GRIN2D: variants seen among roughly 807,000 people sequenced by gnomAD.
GRIN2D encodes glutamate receptor ionotropic, NMDA 2D.
Under a neutral mutation model 103.2 loss-of-function variants are expected in GRIN2D, and 37 were observed. The observed-to-expected ratio is 0.36, with a 90% CI of 0.28 to 0.47. The LOEUF is 0.47. GRIN2D is among the 20% of genes least tolerant of loss of function. The pLI is 1.00. For synonymous variants in GRIN2D, 845 were observed against 885.6 expected, an observed-to-expected ratio of 0.95 and a Z score of 0.81; for missense variants, 1,557 against 1,910.6, an observed-to-expected ratio of 0.81 and a Z score of 3.45.
At chr19:48,430,140 C>T (rs1310329379) in intron 11 of GRIN2D, among the ~76,000 whole-genome samples, 11 of 152,180 alleles carry the variant, frequency 7.2e-5, no homozygotes, top group Non-Finnish European at 1.2e-4. Flanking sequence ...TGTAAATGCT[C>T]TCACAGCTGC....
intron 11 of GRIN2D, among the ~76,000 whole-genome samples, chr19:48,435,809 C>T (rs532288255): frequency 9.2e-5 from 14 of 152,196 alleles, no homozygotes; most frequent in Non-Finnish European, 1.8e-4. Flanking sequence ...CCTGTGGATA[C>T]AGTGGTGAAT....
chr19:48,422,830 G>A (rs372030881), intron 11 of GRIN2D, among the ~76,000 whole-genome samples: 2 of 152,204 alleles, frequency 1.3e-5, no homozygotes, highest in East Asian at 3.9e-4. Context: ...AGTAGCTCAC[G>A]CCTATAATCC....
At chr19:48,424,780 C>G (rs185686911) in intron 11 of GRIN2D, among the ~76,000 whole-genome samples, 51 of 152,248 alleles carry the variant, frequency 3.3e-4, no homozygotes, top group African/African-American at 1.0e-3. Flanking sequence ...GTCACTGCTG[C>G]ACTGGACCGC....
chr19:48,409,898 C>T (rs535728117), intron 4 of GRIN2D, among the ~76,000 whole-genome samples: 1 of 151,848 alleles, frequency 6.6e-6, no homozygotes, highest in Non-Finnish European at 1.5e-5. Flanking sequence ...GATTGTCCTG[C>T]CTCAGCCTCC....
intron 8 of GRIN2D, among the ~76,000 whole-genome samples, chr19:48,418,588 G>T (rs1970975797): frequency 1.3e-5 from 2 of 152,160 alleles, no homozygotes; most frequent in African/African-American, 4.8e-5. Context: ...CATGAGAATG[G>T]AGAGGAGAGG....
Position 48,443,621 on chromosome 19 carries a change from ACCCGCACCGCCCGCGGGC to A in GRIN2D, c.3697_3714del (p.Pro1233_Ala1238del), listed in dbSNP as rs1971337592. The A allele has an allele frequency of 2.8e-6, 3 of 1,087,742 alleles. No individual in the cohort carries two copies. In the East Asian group the frequency reaches 1.9e-4, roughly 69 times the overall value. 67.4% of individuals were successfully genotyped at this position (1,087,742 alleles called of 1,614,324 possible). On this transcript the variant is annotated inframe_deletion, in exon 14 of 14. Transcript: ENST00000263269. This position sits in a 1 kb window ranked among gnomAD's most constrained non-coding sequence, Gnocchi z 8.9. ...GCCCGCTGCGGGTGCCCGCGGTCGC[ACCCGCACCGCCCGCGGGC>A]CTCGCACCGCACGCCCGCCGCCGCC...
In GRIN2D at chr19:48,404,935, C is replaced by G. The variant is rs1455455958; in HGVS notation, c.667C>G (p.Leu223Val). Reference sequence around the variant, plus strand: ...CTGGGAGCACCGCGGAGCGCTGACGCTGGACCCTGGGGCGGGCGAGGCCGT... The same window carrying G: ...CTGGGAGCACCGCGGAGCGCTGACGGTGGACCCTGGGGCGGGCGAGGCCGT... ...VGWEHRGALT[L>V]DPGAGEAVLS... The change falls in exon 4 of 14, where the codon CTG becomes GTG. Residue 223 changes from leucine to valine, a missense_variant. This residue lies in a region of GRIN2D where 490 missense variants were observed against 601.1 expected (regional missense o/e 0.82). Transcript: ENST00000263269. The G allele has an allele frequency of 6.2e-7, 1 of 1,613,478 alleles. No homozygotes were observed. Among genetic ancestry groups the G allele is most frequent in the Non-Finnish European group, 8.5e-7 (1 of 1,179,850 alleles).
intron 11 of GRIN2D, among the ~76,000 whole-genome samples, chr19:48,434,189 A>C (rs1971197610): frequency 6.6e-6 from 1 of 151,774 alleles, no homozygotes; most frequent in Non-Finnish European, 1.5e-5. Context: ...TGACCTCGTG[A>C]TCCGCCTGCC....
At chr19:48,440,315 C>T (rs540926184) in intron 11 of GRIN2D, among the ~76,000 whole-genome samples, 1 of 152,240 alleles carries the variant, frequency 6.6e-6, no homozygotes, top group Admixed American at 6.5e-5. Flanking sequence ...GAATGGTTAT[C>T]TCCCTACAGG....
rs1970987518 is a variant in GRIN2D at position 48,419,376 on chromosome 19, C to T, written c.1861+17C>T. The T allele has an allele frequency of 5.0e-6, 8 of 1,589,802 alleles. No homozygotes were observed. Among genetic ancestry groups the T allele is most frequent in the African/African-American group, 1.4e-5 (1 of 73,294 alleles). ...CGGGCAAGCGTGAGTCCCCCTTCCT[C>T]CATCCCCCGCCTCGGAGATCCCGAA... On this transcript the variant is annotated intron_variant, in intron 9 of 13. Transcript: ENST00000263269.
chr19:48,422,639 G>A (rs115839872), intron 11 of GRIN2D, among the ~76,000 whole-genome samples: 14,166 of 151,864 alleles, frequency 0.093, 1,708 homozygotes, highest in African/African-American at 0.28. Flanking sequence ...AAACTAGTTA[G>A]TCCACTCAGA....
At position 48,414,245 on chromosome 19, in the gene GRIN2D, G is replaced by A. The variant is rs1253008306; in HGVS notation, c.1201-128G>A. 8 of 919,636 alleles carry A rather than the reference G, an allele frequency of 8.7e-6. No homozygotes were observed. The highest frequency in any genetic ancestry group is 4.2e-5 in the Admixed American group (2 of 47,900). The allele number at this position is 919,636 out of a possible 1,614,324, so 57.0% of individuals were successfully genotyped here. ...TCCTGGGTCCTGGGATCTGAAGGTG[G>A]GAGGGGCTCCTGGGTCTTGGAAGAA... On this transcript the variant is annotated intron_variant, in intron 5 of 13. Coordinates refer to ENST00000263269, the MANE Select transcript of GRIN2D (RefSeq NM_000836.4). The surrounding 1 kb of genome is among the most constrained non-coding windows in gnomAD (Gnocchi z 4.6).
intron 4 of GRIN2D, among the ~76,000 whole-genome samples, chr19:48,413,427 G>A (rs1056822047): frequency 4.0e-5 from 6 of 150,826 alleles, no homozygotes; most frequent in South Asian, 2.1e-4. Context: ...TGCAGTGAGC[G>A]AAGATCATGC....
rs1970763603 is a variant in GRIN2D at position 48,404,835 on chromosome 19, C to T, written c.567C>T (p.Ala189=). The change falls in exon 4 of 14, where the codon GCC becomes GCT. Residue 189 remains alanine (A), a synonymous_variant. Coordinates refer to ENST00000263269, the MANE Select transcript of GRIN2D (RefSeq NM_000836.4). The part of the protein sequence containing the change: ...LEEYDWTSFV[A]VTTRAPGHRA... The stretch of plus-strand genomic sequence containing the variant: ...AGTATGACTGGACGTCCTTTGTAGC[C>T]GTGACCACTCGTGCCCCTGGCCACC... 2 of 1,614,198 alleles carry T rather than the reference C, an allele frequency of 1.2e-6. No individual in the cohort carries two copies. Among genetic ancestry groups the T allele is most frequent in the South Asian group, 1.1e-5 (1 of 91,082 alleles).
Position 48,398,699 on chromosome 19 carries a change from C to T in GRIN2D, c.307C>T (p.Leu103Phe), listed in dbSNP as rs1457751600. The T allele has an allele frequency of 6.8e-7, 1 of 1,464,856 alleles. No individual in the cohort carries two copies. Among genetic ancestry groups the T allele is most frequent in the South Asian group, 1.3e-5 (1 of 77,522 alleles). 90.7% of individuals were successfully genotyped at this position (1,464,856 alleles called of 1,614,324 possible). A position where few individuals can be genotyped will look rare whatever the true frequency, so the allele number is the denominator to read the frequency against. ...GSDPRSLVLQ[L>F]CDLLSGLRVH... ...GGACCCGCGCAGCCTCGTGCTGCAG[C>T]TCTGCGACCTGCTGTCGGGGTTGCG... Residue 103 changes from leucine (L) to phenylalanine (F), a missense_variant, in exon 3 of 14, where the codon CTC (leucine) becomes TTC (phenylalanine). Physicochemically the swap from Leu to Phe is conservative, Grantham distance 22 (BLOSUM62 0). Coordinates refer to ENST00000263269, the MANE Select transcript of GRIN2D (RefSeq NM_000836.4).
Position 48,404,823 on chromosome 19 carries a change from G to A in GRIN2D, c.555G>A (p.Thr185=), listed in dbSNP as rs77950614. ...AGGTGCTGGAGGAGTATGACTGGAC[G>A]TCCTTTGTAGCCGTGACCACTCGTG... ...IFEVLEEYDW[T]SFVAVTTRAP... Residue 185 remains threonine (T), a synonymous_variant, in exon 4 of 14, where the codon ACG becomes ACA. Coordinates refer to ENST00000263269, the MANE Select transcript of GRIN2D (RefSeq NM_000836.4). 8.8e-5 allele frequency: 142 copies of A among 1,614,174 alleles called. 1 individual carries two copies. In the East Asian group the frequency reaches 2.5e-3, roughly 29 times the overall value.
intron 3 of GRIN2D, among the ~76,000 whole-genome samples, chr19:48,400,738 G>A (rs1970701768): frequency 6.6e-6 from 1 of 152,140 alleles, no homozygotes; most frequent in East Asian, 1.9e-4. Context: ...ACCTCCACCT[G>A]CTGAAGGAAG....
Position 48,412,598 on chromosome 19 carries a change from G to A in GRIN2D, c.1086-1393G>A, listed in dbSNP as rs1044671096. On this transcript the variant is annotated intron_variant, in intron 4 of 13. Coordinates refer to ENST00000263269, the MANE Select transcript of GRIN2D (RefSeq NM_000836.4). ...AGGTCATGAGTTCGAGACCACCCTG[G>A]TCAACATGGTGAAACCCTGTCTCTA... Among the ~76,000 whole-genome samples, 44 of 151,568 alleles carry A rather than the reference G, an allele frequency of 2.9e-4. 1 individual carries two copies. Among genetic ancestry groups the A allele is most frequent in the African/African-American group, 9.9e-4 (41 of 41,302 alleles).
Position 48,442,759 on chromosome 19 carries a change from C to T in GRIN2D, c.2833C>T (p.Arg945Trp). 2.8e-6 allele frequency: 3 copies of T among 1,081,332 alleles called. No individual in the cohort carries two copies. Among genetic ancestry groups the T allele is most frequent in the Non-Finnish European group, 3.4e-6 (3 of 892,626 alleles). The allele number at this position is 1,081,332 out of a possible 1,614,324, so 67.0% of individuals were successfully genotyped here. A position where few individuals can be genotyped will look rare whatever the true frequency, so the allele number is the denominator to read the frequency against. ...GCGCGCCTCAGTGGACCGCTGGCGC[C>T]GGACCAAGGGCGCGGGGCCGCCGGG... Reference protein sequence around the residue: ...RERASVDRWRRTKGAGPPGGA... With the variant: ...RERASVDRWRWTKGAGPPGGA... Residue 945 changes from arginine (R) to tryptophan (W), a missense_variant, in exon 14 of 14, where the codon CGG becomes TGG. Arg to Trp is a moderately radical substitution (Grantham distance 101). This residue lies in a region of GRIN2D where 632 missense variants were observed against 572.8 expected (regional missense o/e 1.10). Transcript: ENST00000263269. This position sits in a 1 kb window ranked among gnomAD's most constrained non-coding sequence, Gnocchi z 7.2.
Sources: gnomAD v4.1 joint callset for allele counts (sites outside exome capture counted in the v4.1 genomes callset) on GRCh38, gnomAD v4.1.1 for gene constraint, gnomAD v4.1.1 regional missense constraint, Gnocchi (gnomAD v3.1) non-coding constraint, MANE v1.5 for transcripts, NCBI Gene and HGNC (gene_info 2026-07-23, HGNC 2026-07-21) for gene names.